The following FAM168B variants were observed in gnomAD, a reference collection of about 807,000 sequenced individuals.
The protein encoded by FAM168B is myelin-associated neurite-outgrowth inhibitor.
FAM168B carries 19 observed loss-of-function variants against 21.8 expected under a neutral mutation model. That is an observed-to-expected ratio of 0.87 (90% CI 0.61 to 1.28). The LOEUF (loss-of-function observed/expected upper bound fraction) is 1.28, where lower values mean the gene tolerates loss of function less well. Ranked by LOEUF, FAM168B falls within the 50% of genes most tolerant of loss-of-function variation. The pLI is 0.00. For synonymous variants in FAM168B, 126 were observed against 104.8 expected (o/e 1.20, Z -1.24); for missense variants, 233 against 263.1 (o/e 0.89, Z 0.79).
chr2:131,050,200 C>T lies in FAM168B; in HGVS notation c.*2265G>A. 1 of 985,472 alleles carries T rather than the reference C, an allele frequency of 1.0e-6. No homozygotes were observed. Among genetic ancestry groups the T allele is most frequent in the Non-Finnish European group, 1.2e-6 (1 of 829,950 alleles). The allele number at this position is 985,472 out of a possible 1,614,324, so 61.0% of individuals were successfully genotyped here. A position where few individuals can be genotyped will look rare whatever the true frequency, so the allele number is the denominator to read the frequency against. ...AGTACCAAGCAAGCCTGAAGAGATG[C>T]CTGTAACTTCTAACCTCCTCCTGAA... is the stretch of plus-strand genomic sequence containing the variant. On this transcript the variant is annotated 3_prime_UTR_variant, in exon 7 of 7. Transcript: ENST00000389915.
At chr2:131,078,716 C>T (rs1224234715) in intron 2 of FAM168B, among the ~76,000 whole-genome samples, 2 of 152,154 alleles carry the variant, frequency 1.3e-5, no homozygotes, top group African/African-American at 4.8e-5. Context: ...AGGCCGGGCA[C>T]AGTGGCTCAG....
At chr2:131,063,396 G>T (rs1484214629) in intron 3 of FAM168B, among the ~76,000 whole-genome samples, 2 of 152,270 alleles carry the variant, frequency 1.3e-5, no homozygotes, top group African/African-American at 4.8e-5. Flanking sequence ...TTGGTCTTTG[G>T]TTTAGGCATG....
chr2:131,051,707 C>T lies in FAM168B; in HGVS notation c.*758G>A, dbSNP rs1691686888. ...CTGCTTTGCTGACACATAAACCACC[C>T]CCCTCGCCCCAAATTTCACTGGCCA... On this transcript the variant is annotated 3_prime_UTR_variant, in exon 7 of 7. Coordinates refer to ENST00000389915, the MANE Select transcript of FAM168B (RefSeq NM_001009993.4). The T allele has an allele frequency of 1.0e-6, 1 of 985,222 alleles. No individual in the cohort carries two copies. Among genetic ancestry groups the T allele is most frequent in the Admixed American group, 6.2e-5 (1 of 16,248 alleles). The allele number at this position is 985,222 out of a possible 1,614,324, so 61.0% of individuals were successfully genotyped here.
At position 131,051,764 on chromosome 2, in the gene FAM168B, G is replaced by A. The variant is rs978208532; in HGVS notation, c.*701C>T. The A allele has an allele frequency of 2.0e-6, 2 of 985,430 alleles. No homozygotes were observed. The highest frequency in any genetic ancestry group is 2.4e-6 in the Non-Finnish European group (2 of 829,928). The allele number at this position is 985,430 out of a possible 1,614,324, so 61.0% of individuals were successfully genotyped here. On this transcript the variant is annotated 3_prime_UTR_variant, in exon 7 of 7. Coordinates refer to ENST00000389915, the MANE Select transcript of FAM168B (RefSeq NM_001009993.4). ...CATAATCTTTCATGATGAGCTTTAA[G>A]CATGTCCCTGTTCCACTGACTCCAC...
chr2:131,052,462 G>A lies in FAM168B; in HGVS notation c.*13-10C>T, dbSNP rs539651736. On this transcript the variant is annotated splice_polypyrimidine_tract_variant and intron_variant, in intron 6 of 6. Coordinates refer to ENST00000389915, the MANE Select transcript of FAM168B (RefSeq NM_001009993.4). ...AGCTCCGTCCTCAAACCTGCAGAAA[G>A]GAAGACAGACACTCAGTCACACAGA... 1 of 997,242 alleles carries A rather than the reference G, an allele frequency of 1.0e-6. No individual in the cohort carries two copies. Among genetic ancestry groups the A allele is most frequent in the South Asian group, 4.3e-5 (1 of 23,202 alleles). 61.8% of individuals were successfully genotyped at this position (997,242 alleles called of 1,614,324 possible).
intron 1 of FAM168B, among the ~76,000 whole-genome samples, chr2:131,087,547 T>C (rs1258574297): frequency 6.6e-6 from 1 of 152,120 alleles, no homozygotes; most frequent in East Asian, 1.9e-4. Context: ...GCCTCAGAAA[T>C]GAGAACAAGC....
chr2:131,079,715 T>C (rs1009893379), intron 2 of FAM168B, among the ~76,000 whole-genome samples: 1 of 151,944 alleles, frequency 6.6e-6, no homozygotes, highest in African/African-American at 2.4e-5. Flanking sequence ...TTACCTGTTA[T>C]AGCAGCCACA....
intron 2 of FAM168B, among the ~76,000 whole-genome samples, chr2:131,079,490 A>C (rs1174436849): frequency 2.0e-5 from 3 of 152,126 alleles, no homozygotes; most frequent in African/African-American, 4.8e-5. Context: ...CAAACACACA[A>C]AAGACACACA....
In FAM168B at chr2:131,052,453, C is replaced by G; in HGVS notation, c.*13-1G>C. ...TGACTGCACAGCTCCGTCCTCAAAC[C>G]TGCAGAAAGGAAGACAGACACTCAG... On this transcript the variant is annotated splice_acceptor_variant, in intron 6 of 6. Transcript: ENST00000389915. LOFTEE classifies it low-confidence loss of function (3UTR_SPLICE). The G allele has an allele frequency of 2.0e-6, 2 of 996,996 alleles. No individual in the cohort carries two copies. Among genetic ancestry groups the G allele is most frequent in the South Asian group, 8.7e-5 (2 of 23,114 alleles). The allele number at this position is 996,996 out of a possible 1,614,324, so 61.8% of individuals were successfully genotyped here.
intron 3 of FAM168B, among the ~76,000 whole-genome samples, chr2:131,071,247 A>T (rs1692855345): frequency 6.6e-6 from 1 of 152,156 alleles, no homozygotes; most frequent in Non-Finnish European, 1.5e-5. Context: ...ACAGCCTCAG[A>T]TCAGAGTGTG....
chr2:131,088,062 A>G (rs1403287203), intron 1 of FAM168B, among the ~76,000 whole-genome samples: 4 of 152,162 alleles, frequency 2.6e-5, no homozygotes, highest in Admixed American at 6.6e-5. Flanking sequence ...CCTGGGCAAC[A>G]TGGTGAAACC....
intron 1 of FAM168B, among the ~76,000 whole-genome samples, chr2:131,090,750 A>G (rs1215763707): frequency 6.6e-6 from 1 of 152,090 alleles, no homozygotes; most frequent in African/African-American, 2.4e-5. Context: ...TTTGTTTGAG[A>G]TGGAGTCTCG....
Position 131,076,319 on chromosome 2 carries a change from CCTACATCAAGG to C in FAM168B, c.71-4392_71-4382del, listed in dbSNP as rs147170943. Among the ~76,000 whole-genome samples, 850 of 152,222 alleles carry C rather than the reference CCTACATCAAGG, an allele frequency of 5.6e-3. 5 individuals carry two copies. Among genetic ancestry groups the C allele is most frequent in the African/African-American group, 0.019 (779 of 41,504 alleles). On this transcript the variant is annotated intron_variant, in intron 2 of 6. Coordinates refer to ENST00000389915, the MANE Select transcript of FAM168B (RefSeq NM_001009993.4). ...ATGGTAGGCTGGAAAGGCCAGACTC[CCTACATCAAGG>C]CACCAGAGCGATCCCAAACCTGAAT...
chr2:131,048,357 G>C lies in FAM168B; in HGVS notation c.*4108C>G, dbSNP rs771425917. 52 of 1,297,452 alleles carry C rather than the reference G, an allele frequency of 4.0e-5. No homozygotes were observed. The highest frequency in any genetic ancestry group is 5.1e-5 in the Non-Finnish European group (50 of 983,740). The allele number at this position is 1,297,452 out of a possible 1,614,324, so 80.4% of individuals were successfully genotyped here. A position where few individuals can be genotyped will look rare whatever the true frequency, so the allele number is the denominator to read the frequency against. On this transcript the variant is annotated 3_prime_UTR_variant, in exon 7 of 7. Transcript: ENST00000389915. ...CATGGGCACAGCCTGTGGTGAGGAG[G>C]AGACACCTGTCATGCCAGTCCTGGG...
intron 1 of FAM168B, among the ~76,000 whole-genome samples, chr2:131,087,785 A>G (rs1206221136): frequency 6.6e-6 from 1 of 152,228 alleles, no homozygotes; most frequent in Non-Finnish European, 1.5e-5. Context: ...TCCTAGGTAC[A>G]TACCCAAGAG....
chr2:131,091,008 G>A (rs1301828889), intron 1 of FAM168B, among the ~76,000 whole-genome samples: 1 of 152,174 alleles, frequency 6.6e-6, no homozygotes, highest in Non-Finnish European at 1.5e-5. Flanking sequence ...GGCATTACAG[G>A]CGTGAGCCAC....
intron 1 of FAM168B, 81 bp from the exon 2 acceptor site, chr2:131,082,738 G>C: frequency 2.4e-6 from 2 of 820,342 alleles, no homozygotes; most frequent in Non-Finnish European, 3.9e-6. Flanking sequence ...AAAGCAGGTA[G>C]CTAGAGTCCT....
intron 2 of FAM168B, among the ~76,000 whole-genome samples, chr2:131,077,816 C>T (rs1045683618): frequency 2.2e-4 from 34 of 152,298 alleles, no homozygotes; most frequent in African/African-American, 7.9e-4. Flanking sequence ...GCTACCCCAG[C>T]AGACAGCAAA....
intron 1 of FAM168B, among the ~76,000 whole-genome samples, chr2:131,084,193 C>T (rs1192209513): frequency 7.5e-6 from 1 of 134,148 alleles, no homozygotes; most frequent in Non-Finnish European, 1.6e-5. Context: ...CCCTCCGCCC[C>T]CCCCACCCCA....
Sources: gnomAD v4.1 joint callset for allele counts (sites outside exome capture counted in the v4.1 genomes callset) on GRCh38, gnomAD v4.1.1 for gene constraint, MANE v1.5 for transcripts, NCBI Gene and HGNC (gene_info 2026-07-23, HGNC 2026-07-21) for gene names.